The following ATP2B1 variants were observed in gnomAD, a reference collection of about 807,000 sequenced individuals.
ATP2B1 encodes plasma membrane calcium-transporting ATPase 1.
A neutral mutation model predicts 124.2 loss-of-function variants in ATP2B1; 14 were observed. The observed-to-expected ratio is 0.11, with a 90% CI of 0.07 to 0.18. The LOEUF (loss-of-function observed/expected upper bound fraction) is 0.18. Among genes scored for constraint, ATP2B1 ranks in the 10% least tolerant of loss-of-function variants. The probability of loss-of-function intolerance (pLI) is 1.00; values close to 1 mark genes in which losing one functional copy is unlikely to be tolerated. For synonymous variants in ATP2B1, 449 were observed against 492.4 expected, an observed-to-expected ratio of 0.91 and a Z score of 1.17; for missense variants, 763 against 1,466.1, an observed-to-expected ratio of 0.52 and a Z score of 7.83.
chr12:89,706,580 A>G (rs560385452), intron 1 of ATP2B1, among the ~76,000 whole-genome samples: 4 of 152,176 alleles, frequency 2.6e-5, no homozygotes, highest in Non-Finnish European at 4.4e-5. Flanking sequence ...CCCAAGCTTC[A>G]ATAAAAAAAA....
chr12:89,637,463 G>A (rs1049640285), intron 3 of ATP2B1, among the ~76,000 whole-genome samples: 8 of 151,540 alleles, frequency 5.3e-5, no homozygotes, highest in African/African-American at 1.7e-4. Context: ...TCAGGCTGGA[G>A]TGCAGTGGTG....
chr12:89,637,154 C>G (rs1358109039), intron 3 of ATP2B1, among the ~76,000 whole-genome samples: 1 of 152,124 alleles, frequency 6.6e-6, no homozygotes, highest in Non-Finnish European at 1.5e-5. Context: ...TACTTTATAA[C>G]AGCATATAAA....
rs193035676 is a variant in ATP2B1, at chr12:89,704,673, A to C, written c.-222+3923T>G. 9.8e-5 allele frequency among the ~76,000 whole-genome samples: 15 copies of C among 152,292 alleles called. No homozygotes were observed. In the East Asian group the frequency reaches 2.9e-3, roughly 29 times the overall value. On this transcript the variant is annotated intron_variant, in intron 1 of 20. Coordinates refer to ENST00000428670, the MANE Select transcript of ATP2B1 (RefSeq NM_001366521.1). ...TTGTCTGCCTTACTCACCACACAGG[A>C]TTATTGTGAGAATCAAATGAGGTCA... is the stretch of plus-strand genomic sequence containing the variant.
At chr12:89,630,784 T>TATATATAAATAA in intron 5 of ATP2B1, 139 bp from the exon 6 acceptor site, 1 of 248,188 alleles carries the variant, frequency 4.0e-6, no homozygotes, top group South Asian at 1.7e-4. Context: ...TATATAAATA[T>TATATATAAATAA]ATATATATAT....
chr12:89,611,348 G>T lies in ATP2B1; in HGVS notation c.2092C>A (p.Gln698Lys). ...ATCCGCACAGTAATTCCAGCCCTCT[G>T]ACACTTTTTAATTGCATCTGGCACC... is the stretch of plus-strand genomic sequence containing the variant. ...PEVPDAIKKCQRAGITVRMVT... is the reference protein window; with the variant it reads ...PEVPDAIKKCKRAGITVRMVT... Residue 698 changes from glutamine to lysine, a missense_variant, in exon 13 of 21, where the codon CAG (glutamine) becomes AAG (lysine). Around this residue, in one of 7 missense-constraint regions of ATP2B1, gnomAD observed 392 missense variants for 776.6 expected, o/e 0.50. Coordinates refer to ENST00000428670, the MANE Select transcript of ATP2B1 (RefSeq NM_001366521.1). 6.5e-7 allele frequency: 1 copy of T among 1,528,654 alleles called. No individual in the cohort carries two copies. The highest frequency in any genetic ancestry group is 8.8e-7 in the Non-Finnish European group (1 of 1,140,944). 94.7% of individuals were successfully genotyped at this position (1,528,654 alleles called of 1,614,324 possible).
intron 1 of ATP2B1, among the ~76,000 whole-genome samples, chr12:89,691,311 T>G (rs1037649387): frequency 3.9e-5 from 6 of 152,172 alleles, no homozygotes; most frequent in African/African-American, 1.4e-4. Context: ...TTTATCCTTA[T>G]GACCTCAAAT....
At chr12:89,701,069 G>T (rs1891787222) in intron 1 of ATP2B1, among the ~76,000 whole-genome samples, 1 of 152,106 alleles carries the variant, frequency 6.6e-6, no homozygotes, top group Non-Finnish European at 1.5e-5. Context: ...TTTCCTTCTT[G>T]ACTTCTTGGC....
At chr12:89,669,111 T>C (rs1887634207) in intron 1 of ATP2B1, among the ~76,000 whole-genome samples, 1 of 152,062 alleles carries the variant, frequency 6.6e-6, no homozygotes, top group South Asian at 2.1e-4. Flanking sequence ...TACTGCATTT[T>C]CTTTTGTGCA....
At chr12:89,600,576 T>C (rs186329463) in intron 19 of ATP2B1, among the ~76,000 whole-genome samples, 4 of 152,162 alleles carry the variant, frequency 2.6e-5, no homozygotes, top group African/African-American at 9.6e-5. Context: ...ATTATTTTTA[T>C]AAAAACATTC....
At chr12:89,690,266 T>C (rs2136719803) in intron 1 of ATP2B1, among the ~76,000 whole-genome samples, 1 of 152,238 alleles carries the variant, frequency 6.6e-6, no homozygotes, top group East Asian at 1.9e-4. Flanking sequence ...CTCTCCTTTT[T>C]TGAAATTTCC....
intron 2 of ATP2B1, among the ~76,000 whole-genome samples, chr12:89,645,424 A>G (rs1159724572): frequency 6.6e-6 from 1 of 152,224 alleles, no homozygotes; most frequent in Non-Finnish European, 1.5e-5. Flanking sequence ...TGTGAACAAG[A>G]ACATTCAATA....
intron 13 of ATP2B1, chr12:89,610,795 T>TA (rs1429639756): frequency 8.1e-6 from 3 of 368,892 alleles, no homozygotes; most frequent in African/African-American, 2.1e-5. Flanking sequence ...AGACCAAATT[T>TA]AAAAAATCCC....
upstream of ATP2B1, chr12:89,708,880 CG>C (rs1892866789): frequency 6.6e-6 from 1 of 152,100 alleles, no homozygotes; most frequent in South Asian, 2.1e-4. Context: ...AGGCGGCGCC[CG>C]GCCGTCCCCG....
intron 1 of ATP2B1, among the ~76,000 whole-genome samples, chr12:89,688,879 T>C (rs1054243041): frequency 6.6e-6 from 1 of 152,122 alleles, no homozygotes. Context: ...AGTCCAAGTA[T>C]AAAATATTGG....
chr12:89,642,961 A>C (rs1883800880), intron 2 of ATP2B1, among the ~76,000 whole-genome samples: 2 of 151,958 alleles, frequency 1.3e-5, no homozygotes, highest in South Asian at 4.1e-4. Flanking sequence ...GTTAGCAATC[A>C]GAACTGTTGT....
intron 1 of ATP2B1, among the ~76,000 whole-genome samples, chr12:89,687,057 T>C (rs1340891901): frequency 1.3e-5 from 2 of 152,218 alleles, no homozygotes; most frequent in South Asian, 2.1e-4. Context: ...GTTTTTCTTG[T>C]CGTTATTCCC....
chr12:89,643,014 A>T (rs1883804707), intron 2 of ATP2B1, among the ~76,000 whole-genome samples: 1 of 150,972 alleles, frequency 6.6e-6, no homozygotes, highest in African/African-American at 2.4e-5. Context: ...CATTTCCCTG[A>T]CCTGAGGATA....
At chr12:89,639,575 A>G (rs946652104) in intron 3 of ATP2B1, among the ~76,000 whole-genome samples, 2 of 149,296 alleles carry the variant, frequency 1.3e-5, no homozygotes, top group Non-Finnish European at 3.0e-5. Context: ...TATTTTATAT[A>G]TATAATAAAA....
intron 3 of ATP2B1, 137 bp downstream of exon 3, chr12:89,642,021 A>G: frequency 2.4e-6 from 2 of 820,992 alleles, no homozygotes; most frequent in Non-Finnish European, 3.8e-6. Flanking sequence ...CTGAGATAAT[A>G]TATTTAAGGT....
Sources: gnomAD v4.1 joint callset for allele counts (sites outside exome capture counted in the v4.1 genomes callset) on GRCh38, gnomAD v4.1.1 for gene constraint, gnomAD v4.1.1 regional missense constraint, MANE v1.5 for transcripts, NCBI Gene and HGNC (gene_info 2026-07-23, HGNC 2026-07-21) for gene names.